RUNDC3B: variants seen among roughly 807,000 people sequenced by gnomAD.
The protein encoded by RUNDC3B is RUN domain containing 3B.
Under a neutral mutation model 58.4 loss-of-function variants are expected in RUNDC3B, and 33 were observed. The observed-to-expected ratio is 0.56, with a 90% CI of 0.43 to 0.75. The LOEUF is 0.75. Among genes scored for constraint, RUNDC3B ranks in the 30% least tolerant of loss-of-function variants. RUNDC3B has a pLI of 0.00. For synonymous variants in RUNDC3B, 193 were observed against 195.2 expected, an observed-to-expected ratio of 0.99 and a Z score of 0.10; for missense variants, 501 against 535.7, an observed-to-expected ratio of 0.94 and a Z score of 0.64.
chr7:87,821,714 C>T (rs559564827), intron 10 of RUNDC3B, among the ~76,000 whole-genome samples: 10 of 152,234 alleles, frequency 6.6e-5, no homozygotes, highest in African/African-American at 2.4e-4. Context: ...TGGAACAGAA[C>T]AGAACCCTCA....
chr7:87,813,530 A>G (rs1325289044), intron 9 of RUNDC3B, among the ~76,000 whole-genome samples: 1 of 152,152 alleles, frequency 6.6e-6, no homozygotes, highest in African/African-American at 2.4e-5. Flanking sequence ...TTTTCTTATG[A>G]TGAAAAATCA....
At chr7:87,752,020 A>G (rs1833031411) in intron 6 of RUNDC3B, among the ~76,000 whole-genome samples, 2 of 152,202 alleles carry the variant, frequency 1.3e-5, no homozygotes, top group Admixed American at 1.3e-4. Context: ...TTTGTCGTAG[A>G]TAGCTGTTAT....
intron 6 of RUNDC3B, among the ~76,000 whole-genome samples, chr7:87,751,462 A>G (rs1314567702): frequency 2.6e-5 from 4 of 152,258 alleles, no homozygotes; most frequent in Non-Finnish European, 5.9e-5. Context: ...TCTGTAAATT[A>G]CCTTGGGCAA....
At chr7:87,722,479 T>G (rs1265377932) in intron 4 of RUNDC3B, among the ~76,000 whole-genome samples, 1 of 152,182 alleles carries the variant, frequency 6.6e-6, no homozygotes, top group Non-Finnish European at 1.5e-5. Context: ...TTCTGGCCCC[T>G]TAACCCACTT....
At chr7:87,665,657 C>T (rs954390971) in intron 2 of RUNDC3B, among the ~76,000 whole-genome samples, 8 of 152,032 alleles carry the variant, frequency 5.3e-5, no homozygotes, top group East Asian at 1.9e-4. Context: ...GAGCATAGTA[C>T]GTGAAAGGTA....
chr7:87,801,414 C>CT (rs1454075106), intron 8 of RUNDC3B, among the ~76,000 whole-genome samples: 1 of 152,086 alleles, frequency 6.6e-6, no homozygotes, highest in Non-Finnish European at 1.5e-5. Context: ...ACTGAAATAA[C>CT]TTTTATTGGG....
At position 87,692,846 on chromosome 7, in the gene RUNDC3B, G is replaced by A. The variant is rs533012302; in HGVS notation, c.239-7575G>A. On this transcript the variant is annotated intron_variant, in intron 2 of 10. Coordinates refer to ENST00000394654, the MANE Select transcript of RUNDC3B (RefSeq NM_001134405.2). Reference sequence around the variant, plus strand: ...TGTTCTAATATGAGCTTTAACTGTCGTACCAAGTTATAGATCCTTTTGGAT... The same window carrying A: ...TGTTCTAATATGAGCTTTAACTGTCATACCAAGTTATAGATCCTTTTGGAT... Among the ~76,000 whole-genome samples the A allele has an allele frequency of 7.9e-5, 12 of 152,200 alleles. No homozygotes were observed. In the South Asian group the frequency reaches 1.2e-3, roughly 16 times the overall value.
intron 6 of RUNDC3B, among the ~76,000 whole-genome samples, chr7:87,755,186 C>A (rs1438979044): frequency 8.6e-5 from 13 of 151,984 alleles, no homozygotes; most frequent in Admixed American, 8.5e-4. Flanking sequence ...CCACACCTGG[C>A]TAATTTTTGT....
At chr7:87,662,877 C>G (rs1186011466) in intron 2 of RUNDC3B, among the ~76,000 whole-genome samples, 1 of 152,050 alleles carries the variant, frequency 6.6e-6, no homozygotes, top group Non-Finnish European at 1.5e-5. Flanking sequence ...TTCCAATTCA[C>G]TAACATGGAA....
At position 87,770,528 on chromosome 7, in the gene RUNDC3B, G is replaced by T. The variant is rs557670095; in HGVS notation, c.630-53G>T. 4.4e-5 allele frequency: 62 copies of T among 1,413,394 alleles called. No individual in the cohort carries two copies. The African/African-American group carries it at 8.7e-4, about 20-fold the overall frequency. 87.6% of individuals were successfully genotyped at this position (1,413,394 alleles called of 1,614,324 possible). A position where few individuals can be genotyped will look rare whatever the true frequency, so the allele number is the denominator to read the frequency against. ...AGCTTGCAAATGTAAAAGTGTTTAA[G>T]AATCAAGTTGGAACATATTTTTAAC... On this transcript the variant is annotated intron_variant, in intron 6 of 10. Transcript: ENST00000394654.
At chr7:87,664,179 A>G (rs1459815383) in intron 2 of RUNDC3B, among the ~76,000 whole-genome samples, 1 of 152,088 alleles carries the variant, frequency 6.6e-6, no homozygotes, top group Non-Finnish European at 1.5e-5. Context: ...TATACAGGGT[A>G]GCCAGGCATG....
rs752426835 is a variant in RUNDC3B at position 87,777,963 on chromosome 7, C to G, written c.956+8C>G. 5 of 1,599,862 alleles carry G rather than the reference C, an allele frequency of 3.1e-6. No individual in the cohort carries two copies. In the Admixed American group the frequency reaches 8.7e-5, roughly 28 times the overall value. On this transcript the variant is annotated splice_region_variant and intron_variant, in intron 8 of 10. Coordinates refer to ENST00000394654, the MANE Select transcript of RUNDC3B (RefSeq NM_001134405.2). ...GGAGCTTCAAGATCAGCTGTAAGTA[C>G]AAGCCTTTTAGAAAAATGTTGGTAG...
intron 6 of RUNDC3B, among the ~76,000 whole-genome samples, chr7:87,750,133 G>GT (rs1563183267): frequency 6.6e-6 from 1 of 151,848 alleles, no homozygotes; most frequent in African/African-American, 2.4e-5. Flanking sequence ...GTGGTGTTTG[G>GT]TTTTTTGTTC....
chr7:87,709,186 A>G (rs898245017), intron 3 of RUNDC3B: 1 of 923,886 alleles, frequency 1.1e-6, no homozygotes, highest in African/African-American at 1.8e-5. Flanking sequence ...GTATGGATTG[A>G]AATTAATAAA....
chr7:87,723,754 T>C (rs937017940), intron 4 of RUNDC3B, among the ~76,000 whole-genome samples: 8 of 152,132 alleles, frequency 5.3e-5, no homozygotes, highest in Admixed American at 3.3e-4. Flanking sequence ...TCAGGTGCCT[T>C]GTTAACCCAA....
Position 87,666,626 on chromosome 7 carries a change from T to C in RUNDC3B, c.238+15689T>C, listed in dbSNP as rs188712276. Among the ~76,000 whole-genome samples, 62 of 152,306 alleles carry C rather than the reference T, an allele frequency of 4.1e-4. No individual in the cohort carries two copies. The East Asian group carries it at 8.7e-3, about 21-fold the overall frequency. On this transcript the variant is annotated intron_variant, in intron 2 of 10. Coordinates refer to ENST00000394654, the MANE Select transcript of RUNDC3B (RefSeq NM_001134405.2). ...CCATGGCTTTAATAGTTTGAGGTTTTACATTTAGGTCTTTAATCCATCTTG... is the reference window on the plus strand; with the variant it reads ...CCATGGCTTTAATAGTTTGAGGTTTCACATTTAGGTCTTTAATCCATCTTG...
At chr7:87,689,139 G>A (rs1321080048) in intron 2 of RUNDC3B, among the ~76,000 whole-genome samples, 1 of 151,950 alleles carries the variant, frequency 6.6e-6, no homozygotes, top group African/African-American at 2.4e-5. Context: ...ACTATGAAAA[G>A]AGTTAAATAA....
At chr7:87,740,199 A>G (rs1832231672) in intron 5 of RUNDC3B, among the ~76,000 whole-genome samples, 1 of 152,118 alleles carries the variant, frequency 6.6e-6, no homozygotes, top group Admixed American at 6.6e-5. Context: ...TTTTTCAGCT[A>G]CTGCTTTAAA....
chr7:87,828,879 CAAAG>C (rs1002523327), intron 10 of RUNDC3B, among the ~76,000 whole-genome samples: 1 of 152,116 alleles, frequency 6.6e-6, no homozygotes, highest in Non-Finnish European at 1.5e-5. Context: ...AATAGAAACA[CAAAG>C]AAAGCAGCGT....
Sources: gnomAD v4.1 joint callset for allele counts (sites outside exome capture counted in the v4.1 genomes callset) on GRCh38, gnomAD v4.1.1 for gene constraint, MANE v1.5 for transcripts, NCBI Gene and HGNC (gene_info 2026-07-23, HGNC 2026-07-21) for gene names.